Variants in ASB15 observed in about 807,000 individuals in gnomAD.
ASB15 encodes the protein ankyrin repeat and SOCS box containing 15.
Under a neutral mutation model 58.0 loss-of-function variants are expected in ASB15, and 54 were observed. That is an observed-to-expected ratio of 0.93 (90% CI 0.75 to 1.17). The LOEUF (loss-of-function observed/expected upper bound fraction) is 1.17. Ranked by LOEUF, ASB15 falls within the 50% of genes most tolerant of loss-of-function variation. The probability of loss-of-function intolerance (pLI) is 0.00; values close to 1 mark genes in which losing one functional copy is unlikely to be tolerated. For synonymous variants in ASB15, 249 were observed against 262.4 expected, an observed-to-expected ratio of 0.95 and a Z score of 0.50; for missense variants, 680 against 707.4, an observed-to-expected ratio of 0.96 and a Z score of 0.44.
At chr7:123,634,220 C>T (rs1802295361) in intron 11 of ASB15, among the ~76,000 whole-genome samples, 1 of 152,030 alleles carries the variant, frequency 6.6e-6, no homozygotes, top group East Asian at 1.9e-4. Flanking sequence ...CCGACAGGCC[C>T]CACCCAGTAT....
At chr7:123,571,563 C>T (rs1798908602) in intron 1 of ASB15, among the ~76,000 whole-genome samples, 1 of 151,918 alleles carries the variant, frequency 6.6e-6, no homozygotes, top group Non-Finnish European at 1.5e-5. Context: ...AAAGTGTATC[C>T]AAGCCAAAAT....
upstream of ASB15, among the ~76,000 whole-genome samples, chr7:123,600,816 G>A (rs916038164): frequency 2.0e-5 from 3 of 152,006 alleles, no homozygotes; most frequent in Admixed American, 6.6e-5. Flanking sequence ...TACAATCCAC[G>A]TATTTATATT....
At position 123,629,363 on chromosome 7, in the gene ASB15, T is replaced by A. The variant is rs756964826; in HGVS notation, c.1369T>A (p.Ser457Thr). ...DCMHGDIFGN[S>T]FVWSEIQEEV... ...CATGCATGGTGACATCTTTGGAAAT[T>A]CATTTGTGTGGTCAGAGATACAGGA... is the stretch of plus-strand genomic sequence containing the variant. Residue 457 changes from serine (S) to threonine (T), a missense_variant, in exon 10 of 12, where the codon TCA (serine) becomes ACA (threonine). Transcript: ENST00000451215. 1 of 1,613,906 alleles carries A rather than the reference T, an allele frequency of 6.2e-7. No individual in the cohort carries two copies. Among genetic ancestry groups the A allele is most frequent in the African/African-American group, 1.3e-5 (1 of 74,910 alleles).
rs750685654 is a variant in ASB15, at chr7:123,624,611, A to G, written c.494A>G (p.Lys165Arg). Residue 165 changes from lysine to arginine, a missense_variant, in exon 8 of 12, where the codon AAA becomes AGA. Transcript: ENST00000451215. The part of the protein sequence containing the change: ...GSYDMVSTLI[K>R]HNTSLDQPCV... The stretch of plus-strand genomic sequence containing the variant: ...TATGACATGGTGTCGACTCTGATCA[A>G]ACATAACACTAGCCTAGACCAGCCC... The G allele has an allele frequency of 1.2e-6, 2 of 1,613,836 alleles. No homozygotes were observed. Among genetic ancestry groups the G allele is most frequent in the South Asian group, 1.1e-5 (1 of 91,074 alleles).
At chr7:123,619,753 G>A (rs941551666) in intron 7 of ASB15, among the ~76,000 whole-genome samples, 2 of 152,132 alleles carry the variant, frequency 1.3e-5, no homozygotes, top group African/African-American at 4.8e-5. Flanking sequence ...TCGATCTCCT[G>A]ACCTCGTGAT....
rs1161681599 is a variant in ASB15 at position 123,637,592 on chromosome 7, CTG to C, written c.*613_*614del. ...GTGTCCTCCCACCTCCCTGGACACT[CTG>C]TCTCTGGCTTCTTTCTGCCTAGCTC... On this transcript the variant is annotated 3_prime_UTR_variant, in exon 12 of 12. Coordinates refer to ENST00000451215, the MANE Select transcript of ASB15 (RefSeq NM_001290258.2). 6.6e-6 allele frequency: 1 copy of C among 152,298 alleles called. No homozygotes were observed. Among genetic ancestry groups the C allele is most frequent in the Non-Finnish European group, 1.5e-5 (1 of 68,172 alleles). 9.4% of individuals were successfully genotyped at this position (152,298 alleles called of 1,614,324 possible).
At chr7:123,590,200 C>A (rs1799496251) in intron 1 of ASB15, among the ~76,000 whole-genome samples, 1 of 151,992 alleles carries the variant, frequency 6.6e-6, no homozygotes, top group Non-Finnish European at 1.5e-5. Context: ...TGTTTAAGTT[C>A]TGTGTAGATT....
intron 8 of ASB15, 170 bp downstream of exon 8, chr7:123,624,984 C>A (rs1801679452): frequency 1.3e-6 from 1 of 743,822 alleles, no homozygotes; most frequent in Admixed American, 2.9e-5. Flanking sequence ...GACCCTTATT[C>A]TACAACTCAG....
At position 123,620,503 on chromosome 7, in the gene ASB15, C is replaced by T. The variant is rs1396983027; in HGVS notation, c.451+2766C>T. Among the ~76,000 whole-genome samples, 11 of 53,058 alleles carry T rather than the reference C, an allele frequency of 2.1e-4. No homozygotes were observed. The East Asian group carries it at 2.5e-3, about 12-fold the overall frequency. 34.8% of individuals were successfully genotyped at this position (53,058 alleles called of 152,430 possible). On this transcript the variant is annotated intron_variant, in intron 7 of 11. Coordinates refer to ENST00000451215, the MANE Select transcript of ASB15 (RefSeq NM_001290258.2). ...CACCACTAGTAATGTGACACATATA[C>T]ATACATATATATATATATATATATA...
intron 1 of ASB15, chr7:123,596,351 C>A (rs1799692113): frequency 6.6e-6 from 1 of 152,020 alleles, no homozygotes. Flanking sequence ...GTGGCTCATA[C>A]CTGTGATCCC....
chr7:123,579,675 G>A (rs1584728372), intron 1 of ASB15, among the ~76,000 whole-genome samples: 1 of 151,962 alleles, frequency 6.6e-6, no homozygotes, highest in African/African-American at 2.4e-5. Flanking sequence ...TTCTGCTCCT[G>A]GGAGTTGAGT....
chr7:123,591,898 G>A (rs1799549305), intron 1 of ASB15, among the ~76,000 whole-genome samples: 1 of 152,128 alleles, frequency 6.6e-6, no homozygotes, highest in Non-Finnish European at 1.5e-5. Context: ...TTGTACCTCT[G>A]GTAGAATTTG....
At chr7:123,600,459 T>G (rs755384001), upstream of ASB15, among the ~76,000 whole-genome samples, 1 of 152,168 alleles carries the variant, frequency 6.6e-6, no homozygotes, top group Non-Finnish European at 1.5e-5. Flanking sequence ...CCCACACATT[T>G]GCATTATACT....
intron 11 of ASB15, among the ~76,000 whole-genome samples, chr7:123,634,349 A>C (rs1802302874): frequency 6.6e-6 from 1 of 152,162 alleles, no homozygotes; most frequent in African/African-American, 2.4e-5. Context: ...ATGGTTTCCA[A>C]ATCCATCCAT....
chr7:123,623,973 AAGAAAGAAAGAAAG>A (rs1801580150), intron 7 of ASB15, among the ~76,000 whole-genome samples: 1 of 140,876 alleles, frequency 7.1e-6, no homozygotes, highest in East Asian at 2.1e-4. Context: ...GAAAGAAAGA[AAGAAAGAAAGAAAG>A]AAAGAAAGAG....
chr7:123,591,735 A>T (rs1223011508), intron 1 of ASB15, among the ~76,000 whole-genome samples: 2 of 152,186 alleles, frequency 1.3e-5, no homozygotes, highest in Non-Finnish European at 2.9e-5. Context: ...ATCGATGTTC[A>T]TCAGGGATAT....
intron 1 of ASB15, among the ~76,000 whole-genome samples, chr7:123,590,604 C>A (rs1799507674): frequency 6.6e-6 from 1 of 152,078 alleles, no homozygotes; most frequent in African/African-American, 2.4e-5. Flanking sequence ...TTGTTTTTGT[C>A]AGGTTTGTCA....
intron 1 of ASB15, among the ~76,000 whole-genome samples, chr7:123,590,396 C>T (rs1165220295): frequency 6.6e-6 from 1 of 152,214 alleles, no homozygotes; most frequent in Non-Finnish European, 1.5e-5. Context: ...AGTCTTTGCT[C>T]ACGCCTATGT....
rs559322714 is a variant in ASB15, at chr7:123,586,077, C to T, written c.-442-17955C>T. On this transcript the variant is annotated intron_variant, in intron 1 of 13. Coordinates refer to the ASB15 transcript ENST00000451558. ...TGTCTTTGAGATACTGATTTCAATT[C>T]CTTTAGCTATATACTAACAGGTGAG... Among the ~76,000 whole-genome samples, 16 of 151,852 alleles carry T rather than the reference C, an allele frequency of 1.1e-4. 1 individual carries two copies. In the East Asian group the frequency reaches 2.7e-3, roughly 26 times the overall value.
Sources: gnomAD v4.1 joint callset for allele counts (sites outside exome capture counted in the v4.1 genomes callset) on GRCh38, gnomAD v4.1.1 for gene constraint, MANE v1.5 for transcripts, NCBI Gene and HGNC (gene_info 2026-07-23, HGNC 2026-07-21) for gene names.